MACROD2: variants seen among roughly 807,000 people sequenced by gnomAD.
MACROD2 encodes the protein mono-ADP ribosylhydrolase 2.
MACROD2 carries 36 observed loss-of-function variants against 70.4 expected under a neutral mutation model. The observed-to-expected ratio is 0.51, with a 90% CI of 0.39 to 0.68. The LOEUF is 0.68. Ranked by LOEUF, MACROD2 falls within the 30% of genes least tolerant of loss-of-function variation. The probability of loss-of-function intolerance (pLI) is 0.00; values close to 1 mark genes in which losing one functional copy is unlikely to be tolerated. For synonymous variants in MACROD2, 172 were observed against 178.8 expected (o/e 0.96, Z 0.30); for missense variants, 496 against 538.4 (o/e 0.92, Z 0.78).
At chr20:15,755,528 C>G (rs879485866) in intron 8 of MACROD2, among the ~76,000 whole-genome samples, 3 of 152,138 alleles carry the variant, frequency 2.0e-5, no homozygotes, top group African/African-American at 4.8e-5. Flanking sequence ...GGAATATACT[C>G]TACCCTCTGA....
At chr20:14,775,240 C>A (rs150849458) in intron 5 of MACROD2, among the ~76,000 whole-genome samples, 1 of 152,030 alleles carries the variant, frequency 6.6e-6, no homozygotes, top group African/African-American at 2.4e-5. Flanking sequence ...TATTAGCTAA[C>A]GCGGTGGGCT....
intron 8 of MACROD2, among the ~76,000 whole-genome samples, chr20:15,558,923 C>G (rs1228554980): frequency 2.0e-5 from 3 of 152,116 alleles, no homozygotes; most frequent in Non-Finnish European, 4.4e-5. Context: ...CTGACTGAAC[C>G]ATTTAGTTAT....
At chr20:15,769,461 A>T (rs1450519861) in intron 8 of MACROD2, among the ~76,000 whole-genome samples, 1 of 152,164 alleles carries the variant, frequency 6.6e-6, no homozygotes, top group Non-Finnish European at 1.5e-5. Flanking sequence ...ATAATTATTT[A>T]TTATTAACTA....
chr20:15,907,213 A>T (rs980733703), intron 10 of MACROD2, among the ~76,000 whole-genome samples: 1 of 152,236 alleles, frequency 6.6e-6, no homozygotes, highest in African/African-American at 2.4e-5. Context: ...AAGTGTGTGG[A>T]TCACAATTTG....
chr20:14,464,200 C>T (rs1248783663), intron 3 of MACROD2, among the ~76,000 whole-genome samples: 1 of 151,990 alleles, frequency 6.6e-6, no homozygotes, highest in Non-Finnish European at 1.5e-5. Flanking sequence ...TAATTATTGC[C>T]TCAATTTCAG....
intron 5 of MACROD2, among the ~76,000 whole-genome samples, chr20:15,020,742 A>G (rs2075159902): frequency 1.3e-5 from 2 of 152,074 alleles, no homozygotes; most frequent in African/African-American, 4.8e-5. Flanking sequence ...ATACAACACA[A>G]TGTTAACGAT....
chr20:14,740,095 C>A (rs963145119), intron 5 of MACROD2, among the ~76,000 whole-genome samples: 2 of 152,010 alleles, frequency 1.3e-5, no homozygotes, highest in Non-Finnish European at 2.9e-5. Flanking sequence ...TATCTTTATT[C>A]TTTAAAGTTC....
At position 14,450,826 on chromosome 20, in the gene MACROD2, G is replaced by A. The variant is rs112325964; in HGVS notation, c.272-42653G>A. ...GGGCTAGAAGGTGGGGACGAATTCC[G>A]AATGAAATAGGATTATAAGCAGAAA... On this transcript the variant is annotated intron_variant, in intron 3 of 17. Coordinates refer to ENST00000684519, the MANE Select transcript of MACROD2 (RefSeq NM_001351661.2). 1.1e-3 allele frequency among the ~76,000 whole-genome samples: 166 copies of A among 152,150 alleles called. 1 individual carries two copies. Among genetic ancestry groups the A allele is most frequent in the African/African-American group, 3.9e-3 (161 of 41,484 alleles).
intron 3 of MACROD2, among the ~76,000 whole-genome samples, chr20:14,245,802 A>G (rs1430720640): frequency 6.6e-6 from 1 of 152,110 alleles, no homozygotes; most frequent in Non-Finnish European, 1.5e-5. Flanking sequence ...ATGCAGACAT[A>G]CTTTATCCAG....
chr20:15,576,552 G>GTGTT (rs1555841968), intron 8 of MACROD2, among the ~76,000 whole-genome samples: 3 of 145,752 alleles, frequency 2.1e-5, no homozygotes, highest in Non-Finnish European at 3.0e-5. Flanking sequence ...TGCACAAAAT[G>GTGTT]TTTTTTTTTT....
intron 10 of MACROD2, among the ~76,000 whole-genome samples, chr20:15,926,682 A>T (rs912909734): frequency 6.6e-6 from 1 of 152,000 alleles, no homozygotes; most frequent in Non-Finnish European, 1.5e-5. Flanking sequence ...GAGAGAAAGC[A>T]CTCCAGGTGG....
chr20:14,974,200 T>G (rs889054132), intron 5 of MACROD2, among the ~76,000 whole-genome samples: 1 of 152,118 alleles, frequency 6.6e-6, no homozygotes, highest in East Asian at 1.9e-4. Flanking sequence ...GATAGCGGAG[T>G]AGGGGATTGT....
chr20:15,368,626 C>A (rs947350330), intron 6 of MACROD2, among the ~76,000 whole-genome samples: 2 of 151,982 alleles, frequency 1.3e-5, no homozygotes, highest in African/African-American at 4.8e-5. Context: ...CATGCCCTGA[C>A]TAGTTTTTGT....
intron 5 of MACROD2, among the ~76,000 whole-genome samples, chr20:14,817,375 G>C (rs753398122): frequency 7.9e-5 from 12 of 152,120 alleles, no homozygotes; most frequent in Admixed American, 2.0e-4. Context: ...TGCCCCTGTG[G>C]CTCATACATG....
At chr20:14,106,697 C>T (rs2054373783) in intron 3 of MACROD2, among the ~76,000 whole-genome samples, 1 of 152,046 alleles carries the variant, frequency 6.6e-6, no homozygotes. Context: ...TATGTGTGTC[C>T]CTATACCCTC....
intron 4 of MACROD2, among the ~76,000 whole-genome samples, chr20:14,601,121 T>TA (rs1364583536): frequency 6.6e-6 from 1 of 152,148 alleles, no homozygotes; most frequent in Non-Finnish European, 1.5e-5. Flanking sequence ...ATCTGGCTCC[T>TA]AAAAGTCAAG....
chr20:14,049,183 A>C (rs5741827), intron 2 of MACROD2, among the ~76,000 whole-genome samples: 4 of 146,120 alleles, frequency 2.7e-5, no homozygotes, highest in Admixed American at 6.9e-5. Flanking sequence ...ATAAAAAAAA[A>C]AAAAAACAAA....
intron 6 of MACROD2, among the ~76,000 whole-genome samples, chr20:15,282,775 G>T (rs948253502): frequency 6.6e-6 from 1 of 152,144 alleles, no homozygotes; most frequent in Non-Finnish European, 1.5e-5. Flanking sequence ...ACCTCTGCCT[G>T]TTACCCAGTT....
At position 15,408,297 on chromosome 20, in the gene MACROD2, C is replaced by T. The variant is rs150839062; in HGVS notation, c.541-23108C>T. Among the ~76,000 whole-genome samples the T allele has an allele frequency of 7.2e-5, 11 of 152,308 alleles. No individual in the cohort carries two copies. In the East Asian group the frequency reaches 7.7e-4, roughly 11 times the overall value. On this transcript the variant is annotated intron_variant, in intron 6 of 17. Transcript: ENST00000684519. ...CTTCTGCTTAACCTCCTGGCATCAA[C>T]GGACGACAGGTTCTGGCTGTGCAGA... is the stretch of plus-strand genomic sequence containing the variant.
Sources: allele counts gnomAD v4.1 joint callset (sites outside exome capture counted in the v4.1 genomes callset), GRCh38; gene constraint gnomAD v4.1.1; transcripts MANE v1.5; gene names NCBI Gene and HGNC (gene_info 2026-07-23, HGNC 2026-07-21).